Variants in UBE2E3 observed in about 807,000 individuals in gnomAD.
The protein encoded by UBE2E3 is ubiquitin-conjugating enzyme E2 E3.
In UBE2E3, 5 loss-of-function variants were observed where a neutral mutation model predicts 23.6. The observed-to-expected ratio is 0.21, with a 90% confidence interval of 0.11 to 0.44. The LOEUF (loss-of-function observed/expected upper bound fraction) is 0.44. Among genes scored for constraint, UBE2E3 ranks in the 20% least tolerant of loss-of-function variants. UBE2E3 has a pLI of 0.99. For synonymous variants in UBE2E3, 78 were observed against 87.5 expected, an observed-to-expected ratio of 0.89 and a Z score of 0.60; for missense variants, 81 against 249.8, an observed-to-expected ratio of 0.32 and a Z score of 4.55.
rs866348440 is a variant in UBE2E3, at chr2:181,061,191, C to T, written c.526+379C>T. ...ACTGCGGACTGCAGTGGCGCAATCT[C>T]GGCTCACTGCAAGCTCCGCTTCCCG... is the stretch of plus-strand genomic sequence containing the variant. On this transcript the variant is annotated intron_variant, in intron 5 of 5. Transcript: ENST00000410062. Among the ~76,000 whole-genome samples, 5 of 22,464 alleles carry T rather than the reference C, an allele frequency of 2.2e-4. 2 individuals are homozygous for T. The highest frequency in any genetic ancestry group is 3.4e-4 in the Non-Finnish European group (5 of 14,532). The allele number at this position is 22,464 out of a possible 152,430, so 14.7% of individuals were successfully genotyped here.
intron 5 of UBE2E3, 116 bp downstream of exon 5, chr2:181,060,928 A>G: frequency 9.6e-7 from 1 of 1,046,074 alleles, no homozygotes; most frequent in Non-Finnish European, 1.3e-6. Flanking sequence ...AATGTTATTC[A>G]TAGAAAGATC....
intron 3 of UBE2E3, among the ~76,000 whole-genome samples, chr2:181,029,830 A>T (rs1686018966): frequency 6.8e-6 from 1 of 145,996 alleles, no homozygotes; most frequent in African/African-American, 2.5e-5. Flanking sequence ...TTATCAATTA[A>T]TTCGGTCCCT....
At chr2:181,015,129 A>G (rs527721524) in intron 3 of UBE2E3, among the ~76,000 whole-genome samples, 1 of 152,258 alleles carries the variant, frequency 6.6e-6, no homozygotes, top group Non-Finnish European at 1.5e-5. Context: ...GGGGTTCACA[A>G]CTTTTATATG....
At chr2:181,054,642 T>G (rs1295882685) in intron 3 of UBE2E3, among the ~76,000 whole-genome samples, 1 of 151,890 alleles carries the variant, frequency 6.6e-6, no homozygotes, top group Non-Finnish European at 1.5e-5. Flanking sequence ...CTTTATCAGG[T>G]ACATCTTTTG....
At chr2:180,989,559 C>T (rs1274206497) in intron 3 of UBE2E3, among the ~76,000 whole-genome samples, 1 of 152,080 alleles carries the variant, frequency 6.6e-6, no homozygotes, top group Non-Finnish European at 1.5e-5. Flanking sequence ...TCACAGTAGG[C>T]CTAGTTATTT....
intron 3 of UBE2E3, among the ~76,000 whole-genome samples, chr2:181,015,539 C>A (rs867799515): frequency 6.6e-6 from 1 of 151,936 alleles, no homozygotes; most frequent in South Asian, 2.1e-4. Context: ...GGAGGAAATG[C>A]AGTATTAAAA....
chr2:181,053,322 TTAAA>T (rs1418393829), intron 3 of UBE2E3, among the ~76,000 whole-genome samples: 1 of 151,810 alleles, frequency 6.6e-6, no homozygotes, highest in Non-Finnish European at 1.5e-5. Flanking sequence ...AAGAAATAGT[TTAAA>T]TAAATTTTGT....
chr2:180,987,958 A>G (rs1005634038), intron 3 of UBE2E3, among the ~76,000 whole-genome samples: 4 of 152,158 alleles, frequency 2.6e-5, no homozygotes, highest in Non-Finnish European at 5.9e-5. Context: ...TAGGTTTGAA[A>G]AGTGCTGGTA....
intron 3 of UBE2E3, among the ~76,000 whole-genome samples, chr2:181,020,642 CTTT>C (rs1685644184): frequency 1.3e-5 from 2 of 152,116 alleles, no homozygotes; most frequent in Admixed American, 6.5e-5. Flanking sequence ...TCAAATACTT[CTTT>C]GTTTCTTGTG....
intron 3 of UBE2E3, among the ~76,000 whole-genome samples, chr2:181,014,507 A>G (rs938016959): frequency 6.6e-6 from 1 of 152,190 alleles, no homozygotes; most frequent in Non-Finnish European, 1.5e-5. Flanking sequence ...GCTAAGGTCA[A>G]CTTTCAGTGA....
chr2:181,029,747 G>A (rs1020059765), intron 3 of UBE2E3, among the ~76,000 whole-genome samples: 1 of 130,016 alleles, frequency 7.7e-6, no homozygotes, highest in Non-Finnish European at 1.6e-5. Flanking sequence ...CTTGTTCCAT[G>A]TTTTAAATGG....
chr2:180,986,300 C>T (rs1441800191), intron 3 of UBE2E3, among the ~76,000 whole-genome samples: 1 of 152,070 alleles, frequency 6.6e-6, no homozygotes, highest in Non-Finnish European at 1.5e-5. Context: ...TAAGTGGTTT[C>T]TTATTATTTG....
At chr2:181,041,234 C>CAAA (rs1206207155) in intron 3 of UBE2E3, among the ~76,000 whole-genome samples, 1,928 of 77,084 alleles carry the variant, frequency 0.025, 87 homozygotes, top group Middle Eastern at 0.037. Flanking sequence ...GACTCCGTCT[C>CAAA]AAAAAAAAAA....
chr2:181,047,960 T>A (rs575783226), intron 3 of UBE2E3, among the ~76,000 whole-genome samples: 5 of 152,296 alleles, frequency 3.3e-5, no homozygotes, highest in Non-Finnish European at 7.4e-5. Context: ...GTCGTTTCAT[T>A]GTACTTCCCA....
chr2:181,050,441 G>C (rs1002272384), intron 3 of UBE2E3, among the ~76,000 whole-genome samples: 1 of 151,830 alleles, frequency 6.6e-6, no homozygotes, highest in Non-Finnish European at 1.5e-5. Context: ...AAGTTTGGGA[G>C]GGACTCTTAG....
rs201576031 is a variant in UBE2E3 at position 181,028,119 on chromosome 2, ATTG to A, written c.246-29571_246-29569del. ...CTGAATGTATTACTAAACGGCATATATTGTTTAATTTTGAGCACTATACATTAC... is the reference window on the plus strand; with the variant it reads ...CTGAATGTATTACTAAACGGCATATATTTAATTTTGAGCACTATACATTAC... On this transcript the variant is annotated intron_variant, in intron 3 of 5. Transcript: ENST00000410062. 1.9e-3 allele frequency among the ~76,000 whole-genome samples: 287 copies of A among 152,144 alleles called. 10 individuals carry two copies. The East Asian group carries it at 0.048, about 25-fold the overall frequency.
chr2:180,983,437 A>G (rs1684363576), intron 2 of UBE2E3, among the ~76,000 whole-genome samples: 1 of 152,152 alleles, frequency 6.6e-6, no homozygotes, highest in Admixed American at 6.5e-5. Flanking sequence ...AGGCCTATGT[A>G]TTTTCTCCTC....
At chr2:181,062,095 G>A (rs889647836) in intron 5 of UBE2E3, among the ~76,000 whole-genome samples, 4 of 151,644 alleles carry the variant, frequency 2.6e-5, no homozygotes, top group Admixed American at 2.6e-4. Context: ...TAAGAACTCT[G>A]GGAAGTAATG....
chr2:180,987,517 T>C, intron 3 of UBE2E3: 1 of 1,139,362 alleles, frequency 8.8e-7, no homozygotes, highest in Non-Finnish European at 1.2e-6. Flanking sequence ...TGGGGGTATT[T>C]GTATTAATAA....
Sources: gnomAD v4.1 joint callset for allele counts (sites outside exome capture counted in the v4.1 genomes callset) on GRCh38, gnomAD v4.1.1 for gene constraint, MANE v1.5 for transcripts, NCBI Gene and HGNC (gene_info 2026-07-23, HGNC 2026-07-21) for gene names.